The following IMMP2L variants were observed in gnomAD, a reference collection of about 807,000 sequenced individuals.
IMMP2L encodes inner mitochondrial membrane peptidase subunit 2, also known as mitochondrial inner membrane protease subunit 2.
A neutral mutation model predicts 19.3 loss-of-function variants in IMMP2L; 18 were observed. The ratio of observed to expected loss-of-function variants is 0.93; its 90% CI spans 0.64 to 1.38. IMMP2L has a LOEUF of 1.38. Among genes scored for constraint, IMMP2L ranks in the 40% most tolerant of loss-of-function variants. The pLI is 0.00. For synonymous variants in IMMP2L, 76 were observed against 73.0 expected (o/e 1.04, Z -0.21); for missense variants, 233 against 218.2 (o/e 1.07, Z -0.43).
At chr7:111,104,394 C>T (rs940705292) in intron 3 of IMMP2L, among the ~76,000 whole-genome samples, 1 of 151,816 alleles carries the variant, frequency 6.6e-6, no homozygotes, top group Admixed American at 6.6e-5. Context: ...CCAAACTCTA[C>T]ATTTTGTTCT....
chr7:110,677,575 A>G (rs1370299494), intron 5 of IMMP2L, among the ~76,000 whole-genome samples: 1 of 152,158 alleles, frequency 6.6e-6, no homozygotes, highest in African/African-American at 2.4e-5. Flanking sequence ...ATTCCACGTA[A>G]GCACTGACTG....
chr7:110,772,526 T>C (rs893504289), intron 5 of IMMP2L, among the ~76,000 whole-genome samples: 1 of 152,164 alleles, frequency 6.6e-6, no homozygotes, highest in African/African-American at 2.4e-5. Flanking sequence ...ACACTGGCTA[T>C]GACCAGCTTG....
At chr7:111,483,766 G>A (rs545712752) in intron 3 of IMMP2L, 4 of 152,264 alleles carry the variant, frequency 2.6e-5, no homozygotes, top group Non-Finnish European at 5.9e-5. Context: ...GGTAAGTGGA[G>A]AAAAGATTTC....
chr7:110,834,542 G>T (rs539836502), intron 5 of IMMP2L, among the ~76,000 whole-genome samples: 2 of 152,034 alleles, frequency 1.3e-5, no homozygotes, highest in African/African-American at 4.8e-5. Context: ...TTTGTGCTCC[G>T]TCCTTCCAAG....
chr7:110,772,382 C>A (rs534374133), intron 5 of IMMP2L, among the ~76,000 whole-genome samples: 127 of 152,224 alleles, frequency 8.3e-4, no homozygotes, highest in African/African-American at 2.9e-3. Context: ...GCCTGCTGGA[C>A]CCCCAAGGAC....
intron 3 of IMMP2L, among the ~76,000 whole-genome samples, chr7:111,158,896 G>C (rs1314278033): frequency 6.6e-6 from 1 of 152,094 alleles, no homozygotes; most frequent in African/African-American, 2.4e-5. Context: ...TTTATGATTA[G>C]AGTATCGATG....
At chr7:110,864,002 G>A (rs755587879) in intron 5 of IMMP2L, among the ~76,000 whole-genome samples, 60 of 152,104 alleles carry the variant, frequency 3.9e-4, no homozygotes, top group Middle Eastern at 3.4e-3. Context: ...GCAAAGGAGT[G>A]TATAATAGAA....
intron 3 of IMMP2L, among the ~76,000 whole-genome samples, chr7:111,421,552 G>A (rs1585036454): frequency 6.6e-6 from 1 of 151,732 alleles, no homozygotes; most frequent in East Asian, 1.9e-4. Flanking sequence ...TTACAAGCGT[G>A]AGCCACCGCG....
intron 5 of IMMP2L, among the ~76,000 whole-genome samples, chr7:110,863,336 A>G (rs1807644382): frequency 1.3e-5 from 2 of 152,122 alleles, no homozygotes; most frequent in Admixed American, 1.3e-4. Context: ...AGCAGCCCCC[A>G]CTGGGACATG....
At chr7:111,518,578 A>G (rs1457971995) in intron 2 of IMMP2L, among the ~76,000 whole-genome samples, 1 of 152,144 alleles carries the variant, frequency 6.6e-6, no homozygotes, top group Non-Finnish European at 1.5e-5. Context: ...AATTTATCCC[A>G]ATTGTCAAAA....
chr7:111,260,010 C>G (rs907146214), intron 3 of IMMP2L, among the ~76,000 whole-genome samples: 5 of 152,114 alleles, frequency 3.3e-5, no homozygotes, highest in Non-Finnish European at 7.4e-5. Context: ...CCTATCATAA[C>G]AAAGCCTTCT....
At chr7:110,939,292 G>C (rs576847391) in intron 4 of IMMP2L, among the ~76,000 whole-genome samples, 3 of 149,530 alleles carry the variant, frequency 2.0e-5, no homozygotes, top group Non-Finnish European at 4.4e-5. Context: ...CAATTAAGTT[G>C]TTCTGAAGTG....
chr7:111,011,904 C>T (rs1825001014), intron 3 of IMMP2L, among the ~76,000 whole-genome samples: 1 of 152,064 alleles, frequency 6.6e-6, no homozygotes, highest in Non-Finnish European at 1.5e-5. Flanking sequence ...ATGACATTGC[C>T]ATTTCCTGCC....
At chr7:111,054,384 G>A (rs1181299797) in intron 3 of IMMP2L, among the ~76,000 whole-genome samples, 1 of 152,126 alleles carries the variant, frequency 6.6e-6, no homozygotes, top group East Asian at 1.9e-4. Context: ...ACATCAACTG[G>A]CACATATGCT....
At chr7:111,205,422 T>C (rs1179326588) in intron 3 of IMMP2L, among the ~76,000 whole-genome samples, 1 of 152,198 alleles carries the variant, frequency 6.6e-6, no homozygotes, top group African/African-American at 2.4e-5. Context: ...ACTGCTACAG[T>C]TGTCCAAAGA....
At chr7:110,729,256 A>T (rs947633645) in intron 5 of IMMP2L, among the ~76,000 whole-genome samples, 11 of 152,182 alleles carry the variant, frequency 7.2e-5, no homozygotes, top group Non-Finnish European at 1.3e-4. Flanking sequence ...AAGAAGTCTA[A>T]TTGACTCACA....
chr7:111,234,520 C>T lies in IMMP2L; in HGVS notation c.239+252718G>A, dbSNP rs572989994. Reference sequence around the variant, plus strand: ...GTTTTATGCCTTCTTAATGAACTAACCCTTCTATCATTATGAGATAATCTC... The same window carrying T: ...GTTTTATGCCTTCTTAATGAACTAATCCTTCTATCATTATGAGATAATCTC... On this transcript the variant is annotated intron_variant, in intron 3 of 5. Coordinates refer to ENST00000405709, the MANE Select transcript of IMMP2L (RefSeq NM_032549.4). 5.5e-4 allele frequency among the ~76,000 whole-genome samples: 83 copies of T among 152,058 alleles called. 1 individual carries two copies. The highest frequency in any genetic ancestry group is 1.9e-3 in the African/African-American group (80 of 41,470).
chr7:110,936,068 A>G (rs942051921), intron 4 of IMMP2L, among the ~76,000 whole-genome samples: 12 of 152,214 alleles, frequency 7.9e-5, no homozygotes, highest in African/African-American at 2.9e-4. Flanking sequence ...TTAAAGACTT[A>G]AACGTAAGAC....
intron 3 of IMMP2L, among the ~76,000 whole-genome samples, chr7:111,153,458 G>C (rs1246479956): frequency 6.6e-6 from 1 of 151,958 alleles, no homozygotes; most frequent in Non-Finnish European, 1.5e-5. Context: ...CAGCCTTCTG[G>C]ATTGTTAAAG....
Sources: gnomAD v4.1 joint callset for allele counts (sites outside exome capture counted in the v4.1 genomes callset) on GRCh38, gnomAD v4.1.1 for gene constraint, MANE v1.5 for transcripts, NCBI Gene and HGNC (gene_info 2026-07-23, HGNC 2026-07-21) for gene names.